Variants in PCDHA2 observed in about 807,000 individuals in gnomAD.
PCDHA2 encodes the protein protocadherin alpha-2.
A neutral mutation model predicts 66.0 loss-of-function variants in PCDHA2; 58 were observed. The ratio of observed to expected loss-of-function variants is 0.88; its 90% CI spans 0.71 to 1.09. The LOEUF is 1.09. PCDHA2 is among the 50% of genes least tolerant of loss of function. The probability of loss-of-function intolerance (pLI) is 0.00; values close to 1 mark genes in which losing one functional copy is unlikely to be tolerated. For missense variants in PCDHA2, 1,267 were observed against 1,242.3 expected (o/e 1.02, Z -0.30); for synonymous variants, 634 against 554.0 (o/e 1.14, Z -2.03).
intron 1 of PCDHA2, among the ~76,000 whole-genome samples, chr5:140,874,456 A>T (rs1554167207): frequency 6.6e-6 from 1 of 152,236 alleles, no homozygotes; most frequent in Non-Finnish European, 1.5e-5. Flanking sequence ...AATGACCTGT[A>T]GGGGAAGATT....
chr5:140,839,514 C>T (rs2150298432), intron 1 of PCDHA2, among the ~76,000 whole-genome samples: 3 of 152,082 alleles, frequency 2.0e-5, no homozygotes, highest in African/African-American at 7.2e-5. Context: ...CTCAGCCTCT[C>T]AAGTTGCTGG....
rs2150416183 is a variant in PCDHA2, at chr5:140,848,654, G to A, written c.2388+51302G>A. ...TGGGCCGCATCGCGCAGGACCTGGG[G>A]CTGGAGCTGGCGGAGCTGGTGCCGC... On this transcript the variant is annotated intron_variant, in intron 1 of 3. Coordinates refer to ENST00000526136, the MANE Select transcript of PCDHA2 (RefSeq NM_018905.3). The A allele has an allele frequency of 3.8e-6, 6 of 1,592,752 alleles. 1 individual carries two copies. Among genetic ancestry groups the A allele is most frequent in the African/African-American group, 1.3e-5 (1 of 74,466 alleles).
Position 140,839,456 on chromosome 5 carries a change from C to G in PCDHA2, c.2388+42104C>G, listed in dbSNP as rs1456767329. Reference sequence around the variant, plus strand: ...CCAGACTGCAGTGCAGTGGCACAATCTGGGCTTACTGCAATCTCTGCCTCC... The same window carrying G: ...CCAGACTGCAGTGCAGTGGCACAATGTGGGCTTACTGCAATCTCTGCCTCC... On this transcript the variant is annotated intron_variant, in intron 1 of 3. Transcript: ENST00000526136. 1.3e-5 allele frequency among the ~76,000 whole-genome samples: 2 copies of G among 151,882 alleles called. 1 individual carries two copies. The highest frequency in any genetic ancestry group is 2.9e-5 in the Non-Finnish European group (2 of 67,974).
Position 141,000,393 on chromosome 5 carries a change from CTCTATA to C in PCDHA2, c.2537-9232_2537-9227del, listed in dbSNP as rs1213195269. 6.1e-3 allele frequency among the ~76,000 whole-genome samples: 322 copies of C among 52,630 alleles called. 2 individuals are homozygous for C. Among genetic ancestry groups the C allele is most frequent in the Admixed American group, 0.01 (36 of 3,506 alleles). 34.5% of individuals were successfully genotyped at this position (52,630 alleles called of 152,430 possible). A position where few individuals can be genotyped will look rare whatever the true frequency, so the allele number is the denominator to read the frequency against. ...TCTCTCTCTCTCTCTCTCTCTCTCT[CTCTATA>C]TATATATATATATATATATATATTT... On this transcript the variant is annotated intron_variant, in intron 3 of 3. Transcript: ENST00000526136.
At chr5:140,972,625 G>A (rs2096544051) in intron 1 of PCDHA2, among the ~76,000 whole-genome samples, 1 of 151,044 alleles carries the variant, frequency 6.6e-6, no homozygotes, top group African/African-American at 2.4e-5. Flanking sequence ...AATGTTGTTG[G>A]CACTCCCTTC....
At chr5:140,830,409 G>C (rs2150186179) in intron 1 of PCDHA2, 1 of 1,614,158 alleles carries the variant, frequency 6.2e-7, no homozygotes. Context: ...ATGGCCTTTA[G>C]CCCCAGCCTT....
chr5:140,845,528 T>G (rs1779913458), intron 1 of PCDHA2, among the ~76,000 whole-genome samples: 1 of 149,556 alleles, frequency 6.7e-6, no homozygotes, highest in African/African-American at 2.4e-5. Context: ...TTAATACTTT[T>G]CACTATTCTA....
chr5:140,904,901 T>C (rs782489947), intron 1 of PCDHA2, among the ~76,000 whole-genome samples: 9 of 152,224 alleles, frequency 5.9e-5, no homozygotes, highest in Non-Finnish European at 1.0e-4. Context: ...TTTGTTTTTC[T>C]TACTGATTTG....
chr5:140,802,805 T>A, intron 1 of PCDHA2: 4 of 1,613,318 alleles, frequency 2.5e-6, no homozygotes, highest in Non-Finnish European at 3.4e-6. Flanking sequence ...TCCAGGTGAG[T>A]GCGCGCGATG....
intron 1 of PCDHA2, chr5:140,862,418 G>A (rs868906297): frequency 8.8e-5 from 31 of 352,850 alleles, no homozygotes; most frequent in African/African-American, 6.4e-4. Flanking sequence ...AAAAGGCGCT[G>A]CCCAGAAACT....
At chr5:140,996,190 C>T (rs2097716017) in intron 3 of PCDHA2, among the ~76,000 whole-genome samples, 1 of 152,200 alleles carries the variant, frequency 6.6e-6, no homozygotes, top group African/African-American at 2.4e-5. Flanking sequence ...CCATTTTATA[C>T]CCTCAATGCA....
intron 1 of PCDHA2, chr5:140,829,819 A>G: frequency 6.2e-7 from 1 of 1,613,876 alleles, no homozygotes. Flanking sequence ...CTGGTGGTGC[A>G]GTGAGCGAGC....
At chr5:140,879,391 G>A (rs2057973329) in intron 1 of PCDHA2, among the ~76,000 whole-genome samples, 1 of 152,184 alleles carries the variant, frequency 6.6e-6, no homozygotes, top group South Asian at 2.1e-4. Flanking sequence ...TGGAGAAACA[G>A]TTTGTGTGTA....
chr5:140,828,999 T>A lies in PCDHA2; in HGVS notation c.2388+31647T>A, dbSNP rs2150161798. On this transcript the variant is annotated intron_variant, in intron 1 of 3. Coordinates refer to ENST00000526136, the MANE Select transcript of PCDHA2 (RefSeq NM_018905.3). ...ATAGATCGAAATACGGGAGAAATAG[T>A]GATTCGGGGTAATTTGGATTTTGAA... The A allele has an allele frequency of 1.4e-5, 23 of 1,613,800 alleles. No individual in the cohort carries two copies. In the South Asian group the frequency reaches 2.4e-4, roughly 17 times the overall value.
chr5:140,924,110 CAGTT>C (rs1462987261), intron 1 of PCDHA2, among the ~76,000 whole-genome samples: 2 of 152,206 alleles, frequency 1.3e-5, no homozygotes, highest in Non-Finnish European at 2.9e-5. Flanking sequence ...CATTCCAAAG[CAGTT>C]AGCTTGCTTA....
At chr5:140,922,910 A>C (rs1418606862) in intron 1 of PCDHA2, among the ~76,000 whole-genome samples, 4 of 152,228 alleles carry the variant, frequency 2.6e-5, no homozygotes, top group Admixed American at 2.6e-4. Flanking sequence ...TTGAGATACA[A>C]ATAAACTTCA....
intron 1 of PCDHA2, among the ~76,000 whole-genome samples, chr5:140,970,168 G>T (rs1050888983): frequency 6.6e-6 from 1 of 152,168 alleles, no homozygotes; most frequent in Non-Finnish European, 1.5e-5. Context: ...ACCTTTCTTG[G>T]CATACTCTGA....
rs2150334258 is a variant in PCDHA2 at position 140,842,331 on chromosome 5, T to A, written c.2388+44979T>A. 3.4e-5 allele frequency: 55 copies of A among 1,607,694 alleles called. No individual in the cohort carries two copies. The East Asian group carries it at 1.2e-3, about 35-fold the overall frequency. On this transcript the variant is annotated intron_variant, in intron 1 of 3. Coordinates refer to ENST00000526136, the MANE Select transcript of PCDHA2 (RefSeq NM_018905.3). ...CCCATGGCGGGTCATTGCACCGTTT[T>A]AGTGAGAATTTTGGATAAAAATGAT...
intron 1 of PCDHA2, chr5:140,966,584 G>C (rs1227691524): frequency 7.4e-6 from 4 of 541,586 alleles, no homozygotes; most frequent in African/African-American, 6.0e-5. Context: ...CAGCGAGGAC[G>C]GTGGGGCCAG....
Sources: allele counts gnomAD v4.1 joint callset (sites outside exome capture counted in the v4.1 genomes callset), GRCh38; gene constraint gnomAD v4.1.1; transcripts MANE v1.5; gene names NCBI Gene and HGNC (gene_info 2026-07-23, HGNC 2026-07-21).